SLC4A7: variants seen among roughly 807,000 people sequenced by gnomAD.
SLC4A7 encodes the protein sodium bicarbonate cotransporter 3.
A neutral mutation model predicts 137.6 loss-of-function variants in SLC4A7; 51 were observed. That is an observed-to-expected ratio of 0.37 (90% confidence interval 0.30 to 0.47). The LOEUF (loss-of-function observed/expected upper bound fraction) is 0.47. Among genes scored for constraint, SLC4A7 ranks in the 20% least tolerant of loss-of-function variants. The pLI, the probability that SLC4A7 is intolerant of heterozygous loss-of-function variation, is 1.00. For missense variants in SLC4A7, 1,247 were observed against 1,525.4 expected (o/e 0.82, Z 3.04); for synonymous variants, 542 against 518.6 (o/e 1.05, Z -0.61).
intron 3 of SLC4A7, among the ~76,000 whole-genome samples, chr3:27,445,542 G>A (rs1397916412): frequency 6.6e-6 from 1 of 151,982 alleles, no homozygotes; most frequent in Non-Finnish European, 1.5e-5. Flanking sequence ...TACTTTAAAT[G>A]GGATGGCAGT....
At chr3:27,480,162 AAAACCTGT>A (rs2059649524) in intron 1 of SLC4A7, among the ~76,000 whole-genome samples, 1 of 152,242 alleles carries the variant, frequency 6.6e-6, no homozygotes, top group South Asian at 2.1e-4. Context: ...CTCTTAGAAG[AAAACCTGT>A]GTACTTCCCA....
chr3:27,438,066 G>A (rs576494639), intron 3 of SLC4A7, among the ~76,000 whole-genome samples: 13 of 151,876 alleles, frequency 8.6e-5, no homozygotes, highest in Non-Finnish European at 1.9e-4. Context: ...GCATGGTGGT[G>A]GACGCCTGTA....
chr3:27,466,767 G>T (rs1341010873), intron 1 of SLC4A7, among the ~76,000 whole-genome samples: 1 of 152,004 alleles, frequency 6.6e-6, no homozygotes, highest in South Asian at 2.1e-4. Context: ...TGAGACAGGA[G>T]AATTGCTTGA....
intron 25 of SLC4A7, among the ~76,000 whole-genome samples, chr3:27,379,036 A>C (rs2050165344): frequency 6.6e-6 from 1 of 152,164 alleles, no homozygotes. Flanking sequence ...CAGCCTCCCA[A>C]AGTGCTGGGA....
intron 1 of SLC4A7, among the ~76,000 whole-genome samples, chr3:27,464,829 A>AT (rs1249961704): frequency 2.6e-5 from 4 of 152,176 alleles, no homozygotes; most frequent in African/African-American, 9.6e-5. Context: ...AGTTCGCGCC[A>AT]TTTGCAGTGG....
chr3:27,409,383 C>G lies in SLC4A7; in HGVS notation c.1914G>C (p.Leu638=). ...CMSPVITFGG[L]LGEATEGRIS... ...TTCTGCCTTCTGTAGCTTCTCCAAG[C>G]AGCCCTCCAAAAGTGATTACAGGAG... The change falls in exon 13 of 26, where the codon CTG becomes CTC. Residue 638 remains leucine (L), a synonymous_variant. Transcript: ENST00000454389. The G allele has an allele frequency of 6.2e-7, 1 of 1,611,836 alleles. No individual in the cohort carries two copies. The highest frequency in any genetic ancestry group is 1.1e-5 in the South Asian group (1 of 90,600).
chr3:27,452,385 T>C lies in SLC4A7; in HGVS notation c.142+32A>G, dbSNP rs201452104. 180 of 1,369,172 alleles carry C rather than the reference T, an allele frequency of 1.3e-4. No individual in the cohort carries two copies. In the African/African-American group the frequency reaches 1.9e-3, roughly 15 times the overall value. The allele number at this position is 1,369,172 out of a possible 1,614,324, so 84.8% of individuals were successfully genotyped here. A position where few individuals can be genotyped will look rare whatever the true frequency, so the allele number is the denominator to read the frequency against. ...AACATTAATTAGTAAATTATCCTAC[T>C]AAGCGAAGTAAGTTATTTTAAACCA... On this transcript the variant is annotated intron_variant, in intron 2 of 25. Transcript: ENST00000454389.
At chr3:27,471,107 TAA>T (rs1449342290) in intron 1 of SLC4A7, among the ~76,000 whole-genome samples, 1 of 152,172 alleles carries the variant, frequency 6.6e-6, no homozygotes, top group African/African-American at 2.4e-5. Context: ...ATGTATAAAA[TAA>T]AAAGTTTCAC....
intron 3 of SLC4A7, among the ~76,000 whole-genome samples, chr3:27,441,114 C>G (rs765886844): frequency 9.2e-5 from 14 of 152,302 alleles, no homozygotes; most frequent in Non-Finnish European, 2.1e-4. Flanking sequence ...TATAATGTAA[C>G]ATTCACAGGT....
rs1445933416 is a variant in SLC4A7, at chr3:27,452,535, C to A, written c.61-37G>T. On this transcript the variant is annotated intron_variant, in intron 1 of 25. Transcript: ENST00000454389. Reference sequence around the variant, plus strand: ...TTATTCTCATTGACTCATGAGATCACAATCTATTGAGGACCTATTATATGC... The same window carrying A: ...TTATTCTCATTGACTCATGAGATCAAAATCTATTGAGGACCTATTATATGC... 2.1e-6 allele frequency: 3 copies of A among 1,414,970 alleles called. No individual in the cohort carries two copies. In the East Asian group the frequency reaches 6.9e-5, roughly 33 times the overall value. The allele number at this position is 1,414,970 out of a possible 1,614,324, so 87.7% of individuals were successfully genotyped here. A position where few individuals can be genotyped will look rare whatever the true frequency, so the allele number is the denominator to read the frequency against.
intron 3 of SLC4A7, among the ~76,000 whole-genome samples, chr3:27,443,024 CTTTTTTTCTTTTTTTTT>C (rs1477181987): frequency 9.8e-6 from 1 of 102,142 alleles, no homozygotes; most frequent in African/African-American, 3.7e-5. Context: ...TCTCTTTTTT[CTTTTTTTCTTTTTTTTT>C]TTTTTTTTGA....
At chr3:27,431,266 A>G in intron 7 of SLC4A7, 32 bp downstream of exon 7, 1 of 1,532,132 alleles carries the variant, frequency 6.5e-7, no homozygotes, top group South Asian at 1.3e-5. Flanking sequence ...AGAGGCAGAA[A>G]GCACCACACA....
At chr3:27,471,618 C>G (rs1463380904) in intron 1 of SLC4A7, among the ~76,000 whole-genome samples, 1 of 152,164 alleles carries the variant, frequency 6.6e-6, no homozygotes, top group Non-Finnish European at 1.5e-5. Flanking sequence ...GTGATCCGCC[C>G]ACCTCGGCCT....
intron 1 of SLC4A7, among the ~76,000 whole-genome samples, chr3:27,469,581 C>A (rs955343666): frequency 6.6e-6 from 1 of 152,080 alleles, no homozygotes; most frequent in Admixed American, 6.6e-5. Flanking sequence ...CATGGAGAGA[C>A]CCTGTCTCTA....
At chr3:27,405,945 AG>A (rs1448977102) in intron 13 of SLC4A7, among the ~76,000 whole-genome samples, 2 of 152,234 alleles carry the variant, frequency 1.3e-5, no homozygotes, top group Non-Finnish European at 2.9e-5. Flanking sequence ...CTATGCCACT[AG>A]AAAAAGGGGG....
At chr3:27,397,647 T>G (rs749251960) in intron 18 of SLC4A7, 37 bp downstream of exon 18, 1 of 990,838 alleles carries the variant, frequency 1.0e-6, no homozygotes. Context: ...AGTGTGGTAT[T>G]CCCAAGTAAC....
chr3:27,415,778 A>G (rs775484368), intron 11 of SLC4A7, among the ~76,000 whole-genome samples: 1 of 152,218 alleles, frequency 6.6e-6, no homozygotes, highest in Non-Finnish European at 1.5e-5. Context: ...ATCAGAATCT[A>G]TAGGTATGTC....
chr3:27,466,620 G>C (rs968173941), intron 1 of SLC4A7, among the ~76,000 whole-genome samples: 4 of 152,130 alleles, frequency 2.6e-5, no homozygotes, highest in African/African-American at 9.7e-5. Flanking sequence ...CTGAGGTCAG[G>C]AGTTCGAGAC....
At chr3:27,481,271 C>T (rs1208075438) in intron 1 of SLC4A7, among the ~76,000 whole-genome samples, 1 of 152,106 alleles carries the variant, frequency 6.6e-6, no homozygotes, top group African/African-American at 2.4e-5. Flanking sequence ...AGATTAATGA[C>T]TTTCCTCTAT....
Sources: gnomAD v4.1 joint callset for allele counts (sites outside exome capture counted in the v4.1 genomes callset) on GRCh38, gnomAD v4.1.1 for gene constraint, MANE v1.5 for transcripts, NCBI Gene and HGNC (gene_info 2026-07-23, HGNC 2026-07-21) for gene names.